DNM3: variants seen among roughly 807,000 people sequenced by gnomAD.
The protein encoded by DNM3 is dynamin-3.
A neutral mutation model predicts 101.6 loss-of-function variants in DNM3; 47 were observed. The observed-to-expected ratio is 0.46, with a 90% CI of 0.37 to 0.59. The LOEUF is 0.59. DNM3 is among the 20% of genes least tolerant of loss of function. The pLI is 0.00. For missense variants in DNM3, 849 were observed against 1,085.7 expected (o/e 0.78, Z 3.06); for synonymous variants, 385 against 387.9 (o/e 0.99, Z 0.09).
Position 172,291,268 on chromosome 1 carries a change from ATGTGCGTGTGTACACG to A in DNM3, c.1770-17454_1770-17439del, listed in dbSNP as rs67299013. Among the ~76,000 whole-genome samples the A allele has an allele frequency of 2.0e-4, 21 of 102,906 alleles. 2 individuals carry two copies. Among genetic ancestry groups the A allele is most frequent in the African/African-American group, 6.0e-4 (20 of 33,308 alleles). 67.5% of individuals were successfully genotyped at this position (102,906 alleles called of 152,430 possible). The stretch of plus-strand genomic sequence containing the variant: ...AGTGTGTGTGTGTGCACACGCATAC[ATGTGCGTGTGTACACG>A]TGTGCACGCCTGTTTTCAGATGGCT... On this transcript the variant is annotated intron_variant, in intron 15 of 20. Coordinates refer to ENST00000627582, the MANE Select transcript of DNM3 (RefSeq NM_015569.5).
chr1:172,041,015 T>C (rs1227673931), intron 7 of DNM3, among the ~76,000 whole-genome samples: 3 of 152,088 alleles, frequency 2.0e-5, no homozygotes, highest in Non-Finnish European at 4.4e-5. Context: ...GATTGTATTA[T>C]CGAATTGTGG....
intron 15 of DNM3, among the ~76,000 whole-genome samples, chr1:172,303,588 A>C (rs1003310109): frequency 2.0e-5 from 3 of 152,202 alleles, no homozygotes; most frequent in Non-Finnish European, 4.4e-5. Flanking sequence ...CAGATTCACC[A>C]AAGTTCAAAT....
chr1:172,337,708 C>T (rs1227442612), intron 17 of DNM3, among the ~76,000 whole-genome samples: 1 of 151,998 alleles, frequency 6.6e-6, no homozygotes, highest in Non-Finnish European at 1.5e-5. Context: ...TGTCCACTAG[C>T]TCAAGTTTTC....
intron 16 of DNM3, chr1:172,309,347 T>C (rs1178587622): frequency 6.6e-6 from 1 of 152,436 alleles, no homozygotes; most frequent in African/African-American, 2.4e-5. Flanking sequence ...AAAAGAAATA[T>C]ATTGCTATTT....
chr1:172,086,981 A>C (rs1456186806), intron 12 of DNM3, among the ~76,000 whole-genome samples: 1 of 152,074 alleles, frequency 6.6e-6, no homozygotes, highest in Non-Finnish European at 1.5e-5. Context: ...AATGCATCTG[A>C]GCCCTCTTTG....
chr1:172,008,883 T>C (rs1390395422), intron 4 of DNM3, among the ~76,000 whole-genome samples: 1 of 139,356 alleles, frequency 7.2e-6, no homozygotes, highest in East Asian at 2.0e-4. Flanking sequence ...TATTAATATA[T>C]TATATTAAAA....
At chr1:172,111,511 T>A (rs1327431997) in intron 13 of DNM3, among the ~76,000 whole-genome samples, 1 of 152,248 alleles carries the variant, frequency 6.6e-6, no homozygotes, top group East Asian at 1.9e-4. Flanking sequence ...TTAGGATTAT[T>A]AGTTCCAATT....
At chr1:172,175,944 C>A (rs888293754) in intron 14 of DNM3, among the ~76,000 whole-genome samples, 55 of 151,666 alleles carry the variant, frequency 3.6e-4, no homozygotes, top group African/African-American at 1.0e-3. Flanking sequence ...TTTATAATCC[C>A]CTCTCATGTT....
chr1:171,967,197 T>A (rs1056996926), intron 2 of DNM3, among the ~76,000 whole-genome samples: 7 of 152,140 alleles, frequency 4.6e-5, no homozygotes, highest in Admixed American at 4.6e-4. Context: ...ATGTCAATTC[T>A]ACATATGGTG....
At chr1:172,210,349 G>A (rs1241570270) in intron 14 of DNM3, among the ~76,000 whole-genome samples, 2 of 109,978 alleles carry the variant, frequency 1.8e-5, no homozygotes, top group African/African-American at 3.2e-5. Context: ...GCCTGTTTGC[G>A]TTCTGAACAA....
intron 2 of DNM3, among the ~76,000 whole-genome samples, chr1:171,926,403 T>C (rs1469457797): frequency 2.0e-5 from 3 of 152,220 alleles, no homozygotes; most frequent in African/African-American, 7.2e-5. Context: ...AATAATTTTA[T>C]GCACTAAGTG....
chr1:171,944,382 T>C (rs560898800), intron 2 of DNM3, among the ~76,000 whole-genome samples: 1,613 of 150,454 alleles, frequency 0.011, 32 homozygotes, highest in African/African-American at 0.038. Context: ...TATTTATTTA[T>C]TTGTTTATTT....
chr1:171,978,022 C>T (rs892263741), intron 2 of DNM3, among the ~76,000 whole-genome samples: 2 of 152,118 alleles, frequency 1.3e-5, no homozygotes, highest in Non-Finnish European at 2.9e-5. Flanking sequence ...ATCCACAAAC[C>T]TCAAGCCTCC....
At chr1:172,384,770 AGTAATAT>A (rs1393217694) in intron 18 of DNM3, among the ~76,000 whole-genome samples, 1 of 152,226 alleles carries the variant, frequency 6.6e-6, no homozygotes, top group African/African-American at 2.4e-5. Context: ...GTGATATTCC[AGTAATAT>A]GTAAAGTTTC....
intron 14 of DNM3, among the ~76,000 whole-genome samples, chr1:172,215,647 C>CA (rs1462764019): frequency 3.3e-4 from 50 of 151,496 alleles, no homozygotes; most frequent in African/African-American, 1.2e-3. Flanking sequence ...AGAGGAATAG[C>CA]AAAAACAAAT....
intron 13 of DNM3, among the ~76,000 whole-genome samples, chr1:172,103,661 T>C (rs1276699182): frequency 6.6e-6 from 1 of 152,162 alleles, no homozygotes; most frequent in East Asian, 1.9e-4. Flanking sequence ...TTTGATAATC[T>C]AACAGAAATA....
chr1:172,002,004 C>T (rs2125674906), intron 4 of DNM3, among the ~76,000 whole-genome samples: 1 of 152,124 alleles, frequency 6.6e-6, no homozygotes, highest in South Asian at 2.1e-4. Context: ...ATTGTCAACA[C>T]TCAGAATATA....
At chr1:171,973,554 C>T (rs2044162591) in intron 2 of DNM3, among the ~76,000 whole-genome samples, 1 of 151,850 alleles carries the variant, frequency 6.6e-6, no homozygotes, top group Non-Finnish European at 1.5e-5. Context: ...TCACTGAAAC[C>T]TATGAAAGAG....
At chr1:172,134,087 G>A (rs1475692699) in intron 14 of DNM3, among the ~76,000 whole-genome samples, 1 of 152,176 alleles carries the variant, frequency 6.6e-6, no homozygotes, top group Non-Finnish European at 1.5e-5. Context: ...TGGAAGAAGG[G>A]AGACCAGATT....
Sources: gnomAD v4.1 joint callset for allele counts (sites outside exome capture counted in the v4.1 genomes callset) on GRCh38, gnomAD v4.1.1 for gene constraint, MANE v1.5 for transcripts, NCBI Gene and HGNC (gene_info 2026-07-23, HGNC 2026-07-21) for gene names.